GIPC2: variants seen among roughly 807,000 people sequenced by gnomAD.
GIPC2 encodes PDZ domain-containing protein GIPC2.
Under a neutral mutation model 30.6 loss-of-function variants are expected in GIPC2, and 30 were observed. The ratio of observed to expected loss-of-function variants is 0.98; its 90% CI spans 0.73 to 1.33. The LOEUF is 1.33. Ranked by LOEUF, GIPC2 falls within the 40% of genes most tolerant of loss-of-function variation. The pLI, the probability that GIPC2 is intolerant of heterozygous loss-of-function variation, is 0.00. For missense variants in GIPC2, 414 were observed against 390.3 expected (o/e 1.06, Z -0.51); for synonymous variants, 167 against 150.0 (o/e 1.11, Z -0.83).
chr1:78,124,904 G>A (rs1320472299), intron 4 of GIPC2, among the ~76,000 whole-genome samples: 1 of 152,204 alleles, frequency 6.6e-6, no homozygotes, highest in Non-Finnish European at 1.5e-5. Context: ...AGCTACTTGG[G>A]AGGCAGAGGT....
chr1:78,117,832 A>G (rs761801576), intron 3 of GIPC2, among the ~76,000 whole-genome samples: 4 of 152,202 alleles, frequency 2.6e-5, no homozygotes, highest in African/African-American at 4.8e-5. Flanking sequence ...TTTTGCCAAT[A>G]TGTTGTTTTT....
chr1:78,059,536 G>C (rs1661354498), intron 1 of GIPC2, among the ~76,000 whole-genome samples: 1 of 152,114 alleles, frequency 6.6e-6, no homozygotes, highest in Non-Finnish European at 1.5e-5. Context: ...TGAGTTCAGG[G>C]ATTCAAGACC....
intron 1 of GIPC2, among the ~76,000 whole-genome samples, chr1:78,070,791 G>A (rs1421456462): frequency 6.6e-6 from 1 of 151,766 alleles, no homozygotes; most frequent in Non-Finnish European, 1.5e-5. Context: ...TCTTTTTTTG[G>A]ATAGAATTCT....
At chr1:78,076,244 A>AAT (rs1324983400) in intron 1 of GIPC2, among the ~76,000 whole-genome samples, 2 of 152,260 alleles carry the variant, frequency 1.3e-5, no homozygotes, top group Admixed American at 6.5e-5. Flanking sequence ...GGGGAAAGGG[A>AAT]ATAGATACTG....
chr1:78,133,228 T>A (rs556146082), intron 5 of GIPC2, among the ~76,000 whole-genome samples: 2 of 152,312 alleles, frequency 1.3e-5, no homozygotes, highest in African/African-American at 4.8e-5. Context: ...CAAGATCTGT[T>A]GGGAGTTTAT....
chr1:78,057,189 C>T (rs1461534672), intron 1 of GIPC2, among the ~76,000 whole-genome samples: 1 of 152,172 alleles, frequency 6.6e-6, no homozygotes, highest in Non-Finnish European at 1.5e-5. Flanking sequence ...TTCTATTCTA[C>T]TGGAATAGAC....
intron 1 of GIPC2, among the ~76,000 whole-genome samples, chr1:78,066,090 C>G (rs1202259510): frequency 6.6e-6 from 1 of 152,102 alleles, no homozygotes; most frequent in Non-Finnish European, 1.5e-5. Context: ...AGAAAACTAT[C>G]AGCAGAGTAA....
intron 1 of GIPC2, among the ~76,000 whole-genome samples, chr1:78,076,713 G>C (rs532424733): frequency 6.6e-6 from 1 of 152,218 alleles, no homozygotes. Flanking sequence ...GGGGACCCCT[G>C]CAATAAGACA....
chr1:78,132,059 T>A (rs1373745077), intron 5 of GIPC2, among the ~76,000 whole-genome samples: 1 of 152,176 alleles, frequency 6.6e-6, no homozygotes, highest in Non-Finnish European at 1.5e-5. Flanking sequence ...CTGTTGAGAG[T>A]CACAAAAGTA....
rs758888267 is a variant in GIPC2 at position 78,046,179 on chromosome 1, G to T, written c.85G>T (p.Gly29Cys). The change falls in exon 1 of 6, where the codon GGC (glycine) becomes TGC (cysteine). Residue 29 changes from glycine to cysteine, a missense_variant. Coordinates refer to ENST00000370759, the MANE Select transcript of GIPC2 (RefSeq NM_017655.6). ...GGAGGGCGAGCCGACGGGCGCGGGCGGCGGGAGCCTCTCAGCGTCCCGGGC... is the reference window on the plus strand; with the variant it reads ...GGAGGGCGAGCCGACGGGCGCGGGCTGCGGGAGCCTCTCAGCGTCCCGGGC... ...LVEGEPTGAG[G>C]GSLSASRAPA... 9.6e-6 allele frequency: 15 copies of T among 1,569,218 alleles called. No individual in the cohort carries two copies. In the East Asian group the frequency reaches 3.6e-4, roughly 38 times the overall value.
chr1:78,082,362 C>T lies in GIPC2; in HGVS notation c.426+1502C>T, dbSNP rs573046830. The stretch of plus-strand genomic sequence containing the variant: ...TGATGCATTGTCACCATTAAATAAT[C>T]TTAGGGAAGTTATCTTCTTAACTGT... On this transcript the variant is annotated intron_variant, in intron 2 of 5. Coordinates refer to ENST00000370759, the MANE Select transcript of GIPC2 (RefSeq NM_017655.6). Among the ~76,000 whole-genome samples, 46 of 152,326 alleles carry T rather than the reference C, an allele frequency of 3.0e-4. 1 individual carries two copies. The highest frequency in any genetic ancestry group is 4.6e-4 in the Admixed American group (7 of 15,296).
chr1:78,047,269 C>G (rs1661111850), intron 1 of GIPC2, among the ~76,000 whole-genome samples: 1 of 152,078 alleles, frequency 6.6e-6, no homozygotes, highest in Admixed American at 6.6e-5. Context: ...ATTTTGTTGC[C>G]CTGGACTCAG....
chr1:78,088,476 C>T (rs1255801494), intron 2 of GIPC2, among the ~76,000 whole-genome samples: 1 of 152,122 alleles, frequency 6.6e-6, no homozygotes, highest in African/African-American at 2.4e-5. Flanking sequence ...GGCTATTATC[C>T]TCAGCAAACT....
intron 5 of GIPC2, among the ~76,000 whole-genome samples, chr1:78,127,879 AT>A (rs957447611): frequency 1.6e-4 from 25 of 151,798 alleles, no homozygotes; most frequent in African/African-American, 5.6e-4. Context: ...ACTTTAACAA[AT>A]TTTTTTTGGT....
intron 3 of GIPC2, chr1:78,112,628 T>A (rs1662492528): frequency 4.0e-6 from 2 of 501,024 alleles, no homozygotes; most frequent in South Asian, 1.4e-5. Context: ...GGTCCTTCCG[T>A]CAGTTGAGGA....
In GIPC2 at chr1:78,046,033, G is replaced by T; in HGVS notation, c.-62G>T. 7.1e-7 allele frequency: 1 copy of T among 1,399,038 alleles called. No homozygotes were observed. The highest frequency in any genetic ancestry group is 9.3e-7 in the Non-Finnish European group (1 of 1,079,080). The allele number at this position is 1,399,038 out of a possible 1,614,324, so 86.7% of individuals were successfully genotyped here. ...CGGGGCCCGGGGCGCAAAGTCCGAG[G>T]CGCCGGGGGGAGGAGGCGGCGGACG... On this transcript the variant is annotated 5_prime_UTR_variant, in exon 1 of 6. Transcript: ENST00000370759.
At chr1:78,116,361 C>A (rs1662566597) in intron 3 of GIPC2, among the ~76,000 whole-genome samples, 1 of 152,040 alleles carries the variant, frequency 6.6e-6, no homozygotes. Context: ...TTCTTTTTTT[C>A]AATTATTATT....
intron 5 of GIPC2, among the ~76,000 whole-genome samples, chr1:78,134,195 G>T (rs946697055): frequency 1.3e-5 from 2 of 152,010 alleles, no homozygotes; most frequent in African/African-American, 4.8e-5. Context: ...ACCTCAATTG[G>T]AGATATATAT....
At chr1:78,050,575 T>G (rs888359678) in intron 1 of GIPC2, among the ~76,000 whole-genome samples, 1 of 152,106 alleles carries the variant, frequency 6.6e-6, no homozygotes, top group African/African-American at 2.4e-5. Context: ...TAAAGAACAA[T>G]TAACTCCTAC....
Sources: allele counts gnomAD v4.1 joint callset (sites outside exome capture counted in the v4.1 genomes callset), GRCh38; gene constraint gnomAD v4.1.1; transcripts MANE v1.5; gene names NCBI Gene and HGNC (gene_info 2026-07-23, HGNC 2026-07-21).